The following XIRP2 variants were observed in gnomAD, a reference collection of about 807,000 sequenced individuals.
The protein encoded by XIRP2 is xin actin-binding repeat-containing protein 2.
A neutral mutation model predicts 277.0 loss-of-function variants in XIRP2; 236 were observed. The observed-to-expected ratio is 0.85, with a 90% CI of 0.77 to 0.95. XIRP2 has a LOEUF of 0.95. Ranked by LOEUF, XIRP2 falls within the 40% of genes least tolerant of loss-of-function variation. The pLI is 0.00. For missense variants in XIRP2, 4,640 were observed against 4,157.5 expected (o/e 1.12, Z -3.19); for synonymous variants, 1,490 against 1,416.5 (o/e 1.05, Z -1.17).
At chr2:167,223,770 T>C (rs1694502950) in intron 5 of XIRP2, among the ~76,000 whole-genome samples, 1 of 152,194 alleles carries the variant, frequency 6.6e-6, no homozygotes, top group Non-Finnish European at 1.5e-5. Flanking sequence ...TGACCAAGAA[T>C]GTATCTTGTA....
intron 2 of XIRP2, among the ~76,000 whole-genome samples, chr2:166,997,426 G>A (rs905668078): frequency 2.0e-5 from 3 of 152,112 alleles, no homozygotes; most frequent in Non-Finnish European, 4.4e-5. Context: ...TGAGGAGGTA[G>A]GTTAGTTGCT....
chr2:167,212,745 A>G (rs1262522069), intron 4 of XIRP2, among the ~76,000 whole-genome samples: 1 of 152,202 alleles, frequency 6.6e-6, no homozygotes, highest in Non-Finnish European at 1.5e-5. Context: ...CCCAAAATAC[A>G]TATTATAGTA....
intron 2 of XIRP2, among the ~76,000 whole-genome samples, chr2:167,002,725 G>A (rs1438761457): frequency 1.3e-5 from 2 of 151,830 alleles, no homozygotes; most frequent in Non-Finnish European, 2.9e-5. Context: ...ATATTTTTCA[G>A]AATATCCAGT....
At chr2:167,061,680 A>C (rs1156258278) in intron 2 of XIRP2, among the ~76,000 whole-genome samples, 1 of 152,168 alleles carries the variant, frequency 6.6e-6, no homozygotes, top group Non-Finnish European at 1.5e-5. Flanking sequence ...CTTTATAAGA[A>C]GAAAGGAGAC....
chr2:166,953,808 T>C (rs1686096264), intron 2 of XIRP2, among the ~76,000 whole-genome samples: 1 of 151,914 alleles, frequency 6.6e-6, no homozygotes, highest in Non-Finnish European at 1.5e-5. Context: ...CTCTCTAACA[T>C]CTGTCTTCCT....
chr2:167,177,820 A>G (rs1020151413), intron 3 of XIRP2, among the ~76,000 whole-genome samples: 7 of 152,154 alleles, frequency 4.6e-5, no homozygotes, highest in Admixed American at 1.3e-4. Context: ...TCTCATATGT[A>G]TTAGAGGCAT....
intron 2 of XIRP2, among the ~76,000 whole-genome samples, chr2:167,085,640 A>G (rs1221764084): frequency 1.3e-5 from 2 of 152,080 alleles, no homozygotes; most frequent in East Asian, 3.9e-4. Context: ...TATTGGGTGC[A>G]TATATATTTA....
At chr2:167,016,101 A>G (rs1687821592) in intron 2 of XIRP2, among the ~76,000 whole-genome samples, 1 of 151,748 alleles carries the variant, frequency 6.6e-6, no homozygotes, top group African/African-American at 2.4e-5. Flanking sequence ...TTCTTTGTTC[A>G]AATAAATTCA....
intron 2 of XIRP2, among the ~76,000 whole-genome samples, chr2:166,986,212 T>C (rs557938166): frequency 2.0e-5 from 3 of 152,312 alleles, no homozygotes; most frequent in South Asian, 2.1e-4. Flanking sequence ...ATTCCTTCCA[T>C]AGCAGAGTAG....
At chr2:166,996,868 G>A (rs911628553) in intron 2 of XIRP2, among the ~76,000 whole-genome samples, 1 of 152,012 alleles carries the variant, frequency 6.6e-6, no homozygotes, top group African/African-American at 2.4e-5. Flanking sequence ...TCCCACCTCT[G>A]TTTCGAAATT....
At chr2:167,253,855 G>A (rs1182834451) in intron 9 of XIRP2, among the ~76,000 whole-genome samples, 177 bp from the exon 10 acceptor site, 1 of 151,502 alleles carries the variant, frequency 6.6e-6, no homozygotes, top group East Asian at 2.0e-4. Context: ...CATCCTAGCA[G>A]ACCGTTAAAC....
intron 8 of XIRP2, 60 bp from the exon 9 acceptor site, chr2:167,242,509 C>A: frequency 2.0e-6 from 3 of 1,517,382 alleles, no homozygotes; most frequent in Non-Finnish European, 2.7e-6. Context: ...AAGGGCAGTG[C>A]CTAGGAAGCC....
chr2:166,903,338 T>C (rs1173558586), intron 1 of XIRP2, 127 bp from the exon 2 acceptor site: 14 of 857,796 alleles, frequency 1.6e-5, no homozygotes, highest in Non-Finnish European at 2.5e-5. Context: ...TGTGGAATTG[T>C]ATAGGAAAGC....
At chr2:167,000,816 A>G (rs1304359178) in intron 2 of XIRP2, among the ~76,000 whole-genome samples, 1 of 152,134 alleles carries the variant, frequency 6.6e-6, no homozygotes, top group Non-Finnish European at 1.5e-5. Context: ...TTGATAGTCT[A>G]GCCCTCAAAA....
At chr2:166,941,955 A>T (rs1254681573) in intron 2 of XIRP2, among the ~76,000 whole-genome samples, 1 of 152,238 alleles carries the variant, frequency 6.6e-6, no homozygotes, top group Non-Finnish European at 1.5e-5. Context: ...TAACGTATTT[A>T]TCTGGTTCTG....
chr2:166,933,601 A>C (rs2105371172), intron 2 of XIRP2, among the ~76,000 whole-genome samples: 1 of 152,208 alleles, frequency 6.6e-6, no homozygotes, highest in East Asian at 1.9e-4. Flanking sequence ...TTGATATATA[A>C]GTTTAATTCA....
At chr2:166,913,623 G>C (rs759487315) in intron 2 of XIRP2, among the ~76,000 whole-genome samples, 11 of 152,160 alleles carry the variant, frequency 7.2e-5, no homozygotes, top group Non-Finnish European at 8.8e-5. Flanking sequence ...ACTTCTCCAT[G>C]TTCTATTGAT....
chr2:167,121,365 T>C (rs1181087876), intron 2 of XIRP2, among the ~76,000 whole-genome samples: 2 of 152,148 alleles, frequency 1.3e-5, no homozygotes, highest in African/African-American at 4.8e-5. Context: ...GAGGATATCA[T>C]TGGGTTATTT....
chr2:166,937,100 A>T (rs1313697910), intron 2 of XIRP2, among the ~76,000 whole-genome samples: 1 of 151,840 alleles, frequency 6.6e-6, no homozygotes, highest in African/African-American at 2.4e-5. Context: ...CTCCTGCCTG[A>T]TTGCCCTGGC....
Sources: gnomAD v4.1 joint callset for allele counts (sites outside exome capture counted in the v4.1 genomes callset) on GRCh38, gnomAD v4.1.1 for gene constraint, MANE v1.5 for transcripts, NCBI Gene and HGNC (gene_info 2026-07-23, HGNC 2026-07-21) for gene names.